The following LRRC7 variants were observed in gnomAD, a reference collection of about 807,000 sequenced individuals.
LRRC7 encodes leucine-rich repeat-containing protein 7.
Under a neutral mutation model 175.7 loss-of-function variants are expected in LRRC7, and 23 were observed. That is an observed-to-expected ratio of 0.13 (90% CI 0.09 to 0.19). The LOEUF (loss-of-function observed/expected upper bound fraction) is 0.19, where lower values mean the gene tolerates loss of function less well. LRRC7 is among the 10% of genes least tolerant of loss of function. LRRC7 has a pLI of 1.00. For synonymous variants in LRRC7, 685 were observed against 680.9 expected (o/e 1.01, Z -0.09); for missense variants, 1,354 against 1,904.7 (o/e 0.71, Z 5.38).
At chr1:69,922,443 C>A (rs147560022) in intron 7 of LRRC7, among the ~76,000 whole-genome samples, 1 of 152,164 alleles carries the variant, frequency 6.6e-6, no homozygotes, top group Non-Finnish European at 1.5e-5. Context: ...ATGATTTTTA[C>A]GGCAAATGCC....
At chr1:69,823,141 C>A (rs968676889) in intron 4 of LRRC7, among the ~76,000 whole-genome samples, 3 of 152,140 alleles carry the variant, frequency 2.0e-5, no homozygotes, top group Non-Finnish European at 4.4e-5. Flanking sequence ...CCTCGATATT[C>A]CTTGAATGAG....
intron 2 of LRRC7, among the ~76,000 whole-genome samples, chr1:69,699,061 C>A (rs1028645692): frequency 6.6e-6 from 1 of 152,038 alleles, no homozygotes; most frequent in Non-Finnish European, 1.5e-5. Flanking sequence ...ACGTGCACAA[C>A]GTGCGGTCTT....
At chr1:70,049,329 T>C (rs943901789) in intron 22 of LRRC7, among the ~76,000 whole-genome samples, 6 of 152,174 alleles carry the variant, frequency 3.9e-5, no homozygotes, top group Admixed American at 2.0e-4. Flanking sequence ...TCTTTCTGGA[T>C]ATATGCAAAT....
rs1022978507 is a variant in LRRC7 at position 70,133,411 on chromosome 1, G to T, written c.*11524G>T. ...AATTTTTGTATTTTTAGTAAAGACA[G>T]GTTTTCTCCATGTTGCCCAGGCTGG... On this transcript the variant is annotated 3_prime_UTR_variant, in exon 27 of 27. Coordinates refer to ENST00000651989, the MANE Select transcript of LRRC7 (RefSeq NM_001370785.2). Among the ~76,000 whole-genome samples, 1 of 152,070 alleles carries T rather than the reference G, an allele frequency of 6.6e-6. No individual in the cohort carries two copies. The highest frequency in any genetic ancestry group is 6.6e-5 in the Admixed American group (1 of 15,266).
intron 7 of LRRC7, among the ~76,000 whole-genome samples, chr1:69,867,404 G>C (rs1326187537): frequency 6.6e-6 from 1 of 152,142 alleles, no homozygotes; most frequent in African/African-American, 2.4e-5. Context: ...TATACATAAG[G>C]TACCTAGTAC....
chr1:69,636,276 A>G (rs1302462713), intron 1 of LRRC7, among the ~76,000 whole-genome samples: 1 of 152,032 alleles, frequency 6.6e-6, no homozygotes, highest in African/African-American at 2.4e-5. Context: ...TTACTTGTAT[A>G]TGACAGTTTC....
At chr1:69,667,475 C>T (rs1008705292) in intron 1 of LRRC7, among the ~76,000 whole-genome samples, 2 of 152,006 alleles carry the variant, frequency 1.3e-5, no homozygotes, top group Non-Finnish European at 2.9e-5. Flanking sequence ...GTTTTGTATA[C>T]CTATGTGCTC....
In LRRC7 at chr1:70,008,781, G is replaced by C. The variant is rs75240945; in HGVS notation, c.1005-3016G>C. The stretch of plus-strand genomic sequence containing the variant: ...CTATAGTATCTGTCTACTGCTGAGA[G>C]ACAGGAAGGCAACACATGTTTTGCT... On this transcript the variant is annotated intron_variant, in intron 11 of 26. Coordinates refer to ENST00000651989, the MANE Select transcript of LRRC7 (RefSeq NM_001370785.2). Among the ~76,000 whole-genome samples, 79 of 152,306 alleles carry C rather than the reference G, an allele frequency of 5.2e-4. No homozygotes were observed. The East Asian group carries it at 5.6e-3, about 11-fold the overall frequency.
chr1:69,766,630 A>G (rs1245546070), intron 3 of LRRC7, among the ~76,000 whole-genome samples: 2 of 152,150 alleles, frequency 1.3e-5, no homozygotes, highest in Non-Finnish European at 1.5e-5. Flanking sequence ...TCTTCATTTG[A>G]TGCTGCTTTT....
chr1:69,694,468 C>T (rs1333563135), intron 2 of LRRC7, among the ~76,000 whole-genome samples: 2 of 152,136 alleles, frequency 1.3e-5, no homozygotes, highest in Non-Finnish European at 2.9e-5. Flanking sequence ...TTCCACACTG[C>T]TCTCTGAATT....
At chr1:69,813,010 T>C (rs936498705) in intron 4 of LRRC7, among the ~76,000 whole-genome samples, 11 of 152,064 alleles carry the variant, frequency 7.2e-5, no homozygotes, top group African/African-American at 2.4e-4. Flanking sequence ...AAATTGAGTG[T>C]CAATTGATGA....
intron 4 of LRRC7, among the ~76,000 whole-genome samples, chr1:69,813,687 G>T (rs1678232970): frequency 6.6e-6 from 1 of 152,084 alleles, no homozygotes; most frequent in Non-Finnish European, 1.5e-5. Context: ...TGGTTGTTCA[G>T]CCTAGGTTTG....
chr1:69,905,159 A>G lies in LRRC7; in HGVS notation c.648-26348A>G, dbSNP rs540134735. On this transcript the variant is annotated intron_variant, in intron 7 of 26. Coordinates refer to ENST00000651989, the MANE Select transcript of LRRC7 (RefSeq NM_001370785.2). ...AGTGCTGTGATGAAAATACACATGC[A>G]TATGCCTTTATGCTAGAGTAATTTA... 3.9e-5 allele frequency among the ~76,000 whole-genome samples: 6 copies of G among 152,238 alleles called. No homozygotes were observed. In the South Asian group the frequency reaches 1.2e-3, roughly 32 times the overall value.
intron 15 of LRRC7, among the ~76,000 whole-genome samples, chr1:70,020,201 A>G (rs1657337652): frequency 6.6e-6 from 1 of 152,146 alleles, no homozygotes; most frequent in South Asian, 2.1e-4. Context: ...AAAGAAAGAC[A>G]TATATGATAA....
At chr1:69,773,188 A>G (rs1448417015) in intron 3 of LRRC7, among the ~76,000 whole-genome samples, 2 of 152,158 alleles carry the variant, frequency 1.3e-5, no homozygotes, top group Non-Finnish European at 2.9e-5. Context: ...AGAAAGGGGG[A>G]GAAACTAGAT....
intron 3 of LRRC7, among the ~76,000 whole-genome samples, chr1:69,788,291 A>G (rs1009285102): frequency 1.2e-4 from 19 of 152,152 alleles, no homozygotes; most frequent in Non-Finnish European, 2.9e-5. Flanking sequence ...TCTGGAATTC[A>G]AATAATTGCC....
chr1:69,959,564 A>T (rs184895568), intron 8 of LRRC7, among the ~76,000 whole-genome samples: 326 of 152,206 alleles, frequency 2.1e-3, no homozygotes, highest in Non-Finnish European at 3.5e-3. Flanking sequence ...AGAAGAACAG[A>T]TTGGTTATGA....
At chr1:69,970,507 G>C (rs1414983907) in intron 8 of LRRC7, among the ~76,000 whole-genome samples, 1 of 152,100 alleles carries the variant, frequency 6.6e-6, no homozygotes, top group Non-Finnish European at 1.5e-5. Context: ...ATGACTTTAT[G>C]TACACAAACT....
chr1:69,619,316 TA>T (rs775500682), intron 1 of LRRC7, among the ~76,000 whole-genome samples: 3 of 152,178 alleles, frequency 2.0e-5, no homozygotes, highest in Non-Finnish European at 2.9e-5. Flanking sequence ...TGAGTAAAAC[TA>T]CTATTATCTT....
Sources: allele counts gnomAD v4.1 joint callset (sites outside exome capture counted in the v4.1 genomes callset), GRCh38; gene constraint gnomAD v4.1.1; transcripts MANE v1.5; gene names NCBI Gene and HGNC (gene_info 2026-07-23, HGNC 2026-07-21).